CNTLN: variants seen among roughly 807,000 people sequenced by gnomAD.
CNTLN encodes the protein centlein, centrosomal protein.
CNTLN carries 212 observed loss-of-function variants against 180.0 expected under a neutral mutation model. The ratio of observed to expected loss-of-function variants is 1.18; its 90% CI spans 1.05 to 1.32. CNTLN has a LOEUF of 1.32. CNTLN is among the 40% of genes most tolerant of loss of function. The pLI is 0.00. For missense variants in CNTLN, 2,095 were observed against 1,610.9 expected (o/e 1.30, Z -5.14); for synonymous variants, 722 against 563.1 (o/e 1.28, Z -3.99).
In CNTLN at chr9:17,466,861, A is replaced by G. The variant is rs1290686902; in HGVS notation, c.3825A>G (p.Glu1275=). The G allele has an allele frequency of 6.2e-7, 1 of 1,609,958 alleles. No homozygotes were observed. The highest frequency in any genetic ancestry group is 2.2e-5 in the East Asian group (1 of 44,754). The change falls in exon 23 of 26, where the codon GAA becomes GAG. Residue 1275 remains glutamate, a synonymous_variant. Coordinates refer to ENST00000380647, the MANE Select transcript of CNTLN (RefSeq NM_017738.4). ...AGAAGACATTGCTGTTAGCCAATGA[A>G]AAAGTAGAAGAGTTCACCACATTTG... is the stretch of plus-strand genomic sequence containing the variant. The part of the protein sequence containing the change: ...GAQKTLLLAN[E]KVEEFTTFVK...
At position 17,467,464 on chromosome 9, in the gene CNTLN, C is replaced by T. The variant is rs138227466; in HGVS notation, c.3855+573C>T. Reference sequence around the variant, plus strand: ...TAACATTTTATGCCACTATTGAGTACTCCACGAAGAGGAAATTCCTTACTT... The same window carrying T: ...TAACATTTTATGCCACTATTGAGTATTCCACGAAGAGGAAATTCCTTACTT... On this transcript the variant is annotated intron_variant, in intron 23 of 25. Transcript: ENST00000380647. 1.9e-3 allele frequency among the ~76,000 whole-genome samples: 285 copies of T among 151,740 alleles called. 3 individuals carry two copies. The highest frequency in any genetic ancestry group is 6.7e-3 in the African/African-American group (277 of 41,502).
At chr9:17,492,568 A>T (rs1278598297) in intron 25 of CNTLN, among the ~76,000 whole-genome samples, 1 of 152,148 alleles carries the variant, frequency 6.6e-6, no homozygotes, top group African/African-American at 2.4e-5. Context: ...TAAAAAGCTT[A>T]AACTCTAAAG....
In CNTLN at chr9:17,268,106, G is replaced by A. The variant is rs188508723; in HGVS notation, c.850-5627G>A. Among the ~76,000 whole-genome samples the A allele has an allele frequency of 4.6e-5, 7 of 152,260 alleles. No individual in the cohort carries two copies. The South Asian group carries it at 1.2e-3, about 27-fold the overall frequency. ...GAGCTCTGTCCTTTGGAGGAGGAGAGGTGCTCTGGTTTTTAGAGTTTCCAG... is the reference window on the plus strand; with the variant it reads ...GAGCTCTGTCCTTTGGAGGAGGAGAAGTGCTCTGGTTTTTAGAGTTTCCAG... On this transcript the variant is annotated intron_variant, in intron 5 of 25. Transcript: ENST00000380647.
intron 2 of CNTLN, among the ~76,000 whole-genome samples, chr9:17,179,333 TC>T (rs1489920671): frequency 6.6e-6 from 1 of 152,154 alleles, no homozygotes; most frequent in African/African-American, 2.4e-5. Flanking sequence ...TTATAAATTT[TC>T]CTCTCAGCTG....
At chr9:17,140,631 G>A (rs1465236372) in intron 1 of CNTLN, among the ~76,000 whole-genome samples, 1 of 151,900 alleles carries the variant, frequency 6.6e-6, no homozygotes, top group Non-Finnish European at 1.5e-5. Flanking sequence ...TGTGGCGATG[G>A]GGGTCTCACT....
chr9:17,145,051 C>T (rs1330230857), intron 2 of CNTLN, among the ~76,000 whole-genome samples: 4 of 149,792 alleles, frequency 2.7e-5, no homozygotes, highest in Non-Finnish European at 6.0e-5. Context: ...CCTTGTTAGC[C>T]AGGATGGTCT....
intron 18 of CNTLN, among the ~76,000 whole-genome samples, chr9:17,433,372 C>T (rs1423331795): frequency 6.6e-6 from 1 of 151,672 alleles, no homozygotes; most frequent in Non-Finnish European, 1.5e-5. Context: ...GCAGCCTCTG[C>T]CTCCTGGGTT....
At chr9:17,312,368 A>ATATATATATAT in intron 8 of CNTLN, among the ~76,000 whole-genome samples, 1 of 9,352 alleles carries the variant, frequency 1.1e-4, no homozygotes, top group South Asian at 2.0e-3. Flanking sequence ...TATATATTAT[A>ATATATATATAT]TATATATATA....
intron 18 of CNTLN, among the ~76,000 whole-genome samples, chr9:17,456,552 ATACT>A (rs1364400437): frequency 1.3e-5 from 2 of 152,124 alleles, no homozygotes; most frequent in Non-Finnish European, 2.9e-5. Flanking sequence ...TATAGTGTTA[ATACT>A]TAAGTAACAT....
chr9:17,266,079 A>C (rs1051132546), intron 5 of CNTLN, among the ~76,000 whole-genome samples: 1 of 151,832 alleles, frequency 6.6e-6, no homozygotes, highest in African/African-American at 2.4e-5. Flanking sequence ...GCCTTCTGCT[A>C]GCTTTTGAAT....
At position 17,342,419 on chromosome 9, in the gene CNTLN, G is replaced by A; in HGVS notation, c.1861G>A (p.Glu621Lys). Residue 621 changes from glutamate (E) to lysine (K), a missense_variant, in exon 12 of 26, where the codon GAA (glutamate) becomes AAA (lysine). By Grantham distance (56) the Glu-to-Lys change is moderately conservative. Coordinates refer to ENST00000380647, the MANE Select transcript of CNTLN (RefSeq NM_017738.4). ...VWNELAYFKR[E>K]NQELMIQKMN... ...GAATGAACTGGCATATTTCAAAAGG[G>A]AAAACCAGGAGCTAATGATTCAAAA... is the stretch of plus-strand genomic sequence containing the variant. The A allele has an allele frequency of 1.2e-6, 2 of 1,607,476 alleles. No individual in the cohort carries two copies. Among genetic ancestry groups the A allele is most frequent in the African/African-American group, 2.7e-5 (2 of 74,764 alleles).
chr9:17,326,598 G>C (rs543152897), intron 8 of CNTLN, among the ~76,000 whole-genome samples: 1 of 152,198 alleles, frequency 6.6e-6, no homozygotes, highest in Admixed American at 6.5e-5. Context: ...GTACAGTATG[G>C]CTGGGGAGAA....
chr9:17,178,239 T>G (rs1434293169), intron 2 of CNTLN, among the ~76,000 whole-genome samples: 1 of 152,192 alleles, frequency 6.6e-6, no homozygotes, highest in South Asian at 2.1e-4. Flanking sequence ...ATTGGTATGT[T>G]TACAAACCTT....
At chr9:17,393,714 A>G (rs999478633) in intron 14 of CNTLN, among the ~76,000 whole-genome samples, 2 of 152,152 alleles carry the variant, frequency 1.3e-5, no homozygotes, top group Non-Finnish European at 2.9e-5. Context: ...TTTACAAACA[A>G]TAACACTTAT....
At chr9:17,484,515 T>G in intron 24 of CNTLN, 35 bp downstream of exon 24, 256 of 1,482,082 alleles carry the variant, frequency 1.7e-4, no homozygotes, top group Non-Finnish European at 2.1e-4. Flanking sequence ...TTAAAGGGTT[T>G]ATTATACACT....
chr9:17,267,398 C>T (rs760198612), intron 5 of CNTLN, among the ~76,000 whole-genome samples: 22 of 152,094 alleles, frequency 1.4e-4, no homozygotes, highest in Non-Finnish European at 2.6e-4. Flanking sequence ...GAGTTTCTGC[C>T]GAGAGCTCCG....
At chr9:17,382,737 G>A (rs945134993) in intron 13 of CNTLN, among the ~76,000 whole-genome samples, 4 of 152,016 alleles carry the variant, frequency 2.6e-5, no homozygotes, top group Non-Finnish European at 5.9e-5. Context: ...TAGCATAAGG[G>A]CATTCCTTCC....
intron 6 of CNTLN, among the ~76,000 whole-genome samples, chr9:17,294,797 A>G (rs868085892): frequency 1.2e-3 from 10 of 8,026 alleles, no homozygotes; most frequent in Admixed American, 5.3e-3. Flanking sequence ...GGAGGGGGGG[A>G]GGGTGGGGGG....
the CNTLN span, among the ~76,000 whole-genome samples, chr9:17,511,035 C>T: frequency 3.3e-5 from 5 of 152,172 alleles, no homozygotes; most frequent in Non-Finnish European, 5.9e-5. Flanking sequence ...TTCTCCAGGA[C>T]TTGGTACTCT....
Sources: allele counts gnomAD v4.1 joint callset (sites outside exome capture counted in the v4.1 genomes callset), GRCh38; gene constraint gnomAD v4.1.1; transcripts MANE v1.5; gene names NCBI Gene and HGNC (gene_info 2026-07-23, HGNC 2026-07-21).